The following RELL1 variants were observed in gnomAD, a reference collection of about 807,000 sequenced individuals.
RELL1 encodes the protein RELT-like protein 1.
In RELL1, 10 loss-of-function variants were observed where a neutral mutation model predicts 23.0. The observed-to-expected ratio is 0.43, with a 90% CI of 0.27 to 0.74. The LOEUF (loss-of-function observed/expected upper bound fraction) is 0.74, where lower values mean the gene tolerates loss of function less well. Ranked by LOEUF, RELL1 falls within the 30% of genes least tolerant of loss-of-function variation. The pLI, the probability that RELL1 is intolerant of heterozygous loss-of-function variation, is 0.19. For missense variants in RELL1, 315 were observed against 364.4 expected, an observed-to-expected ratio of 0.86 and a Z score of 1.10; for synonymous variants, 146 against 146.8, an observed-to-expected ratio of 0.99 and a Z score of 0.04.
chr4:37,590,440 A>G (rs1718542390), downstream of RELL1: 8 of 1,611,336 alleles, frequency 5.0e-6, no homozygotes, highest in Non-Finnish European at 6.8e-6. Context: ...TACTGCAAAT[A>G]CTGTTCCCCC....
intron 6 of RELL1, among the ~76,000 whole-genome samples, chr4:37,621,317 G>C (rs540127599): frequency 6.6e-6 from 1 of 152,032 alleles, no homozygotes; most frequent in East Asian, 1.9e-4. Flanking sequence ...TCAGCCAGGC[G>C]TGGTGGTGGG....
intron 1 of RELL1, among the ~76,000 whole-genome samples, chr4:37,650,974 G>A (rs531282251): frequency 2.0e-5 from 3 of 150,606 alleles, no homozygotes; most frequent in Non-Finnish European, 2.9e-5. Flanking sequence ...TGAGAGGATT[G>A]CTTGAGCCTG....
intron 6 of RELL1, among the ~76,000 whole-genome samples, chr4:37,600,813 T>A (rs1328657710): frequency 1.3e-4 from 11 of 86,516 alleles, no homozygotes; most frequent in African/African-American, 4.9e-4. Flanking sequence ...GTGTAGTTTT[T>A]GTTTGATTTG....
chr4:37,615,989 G>T (rs1015264962), intron 6 of RELL1, among the ~76,000 whole-genome samples: 1 of 151,622 alleles, frequency 6.6e-6, no homozygotes, highest in Non-Finnish European at 1.5e-5. Flanking sequence ...AAAAAAAAAA[G>T]AAATTGATCC....
intron 5 of RELL1, among the ~76,000 whole-genome samples, chr4:37,633,184 G>A (rs533268239): frequency 3.9e-5 from 6 of 152,148 alleles, no homozygotes; most frequent in South Asian, 2.1e-4. Flanking sequence ...CAAGACAGGT[G>A]GATCACTTGA....
At chr4:37,661,438 C>T in intron 1 of RELL1, among the ~76,000 whole-genome samples, 1 of 152,122 alleles carries the variant, frequency 6.6e-6, no homozygotes, top group Admixed American at 6.5e-5. Context: ...CGCTGCCACA[C>T]CTGGCTAATT....
At chr4:37,601,760 G>A (rs1349925145) in intron 6 of RELL1, among the ~76,000 whole-genome samples, 2 of 152,220 alleles carry the variant, frequency 1.3e-5, no homozygotes, top group Admixed American at 6.5e-5. Context: ...CTATAGCTAC[G>A]TTTCTGCAAA....
chr4:37,623,363 T>C, intron 6 of RELL1: 1 of 154,042 alleles, frequency 6.5e-6, no homozygotes, highest in Non-Finnish European at 1.4e-5. Context: ...CGGCGGTTGA[T>C]TTGCTTTCTT....
chr4:37,601,469 G>A (rs578130678), intron 6 of RELL1, among the ~76,000 whole-genome samples: 11 of 152,124 alleles, frequency 7.2e-5, no homozygotes, highest in South Asian at 2.1e-4. Context: ...GTTAGAAGAC[G>A]GGGTCCAAAG....
chr4:37,651,749 T>C (rs534759354), intron 1 of RELL1, among the ~76,000 whole-genome samples: 1 of 152,236 alleles, frequency 6.6e-6, no homozygotes, highest in African/African-American at 2.4e-5. Flanking sequence ...CCATTCTGAG[T>C]CCATAAAAGG....
downstream of RELL1, among the ~76,000 whole-genome samples, chr4:37,605,765 A>AAGAAAG (rs147338700): frequency 0.27 from 24,442 of 91,452 alleles, 3,714 homozygotes; most frequent in South Asian, 0.36. Context: ...AGAATAAAGA[A>AAGAAAG]AGAGAGAGAG....
At chr4:37,593,105 C>T (rs1718695349) in intron 6 of RELL1, among the ~76,000 whole-genome samples, 1 of 152,192 alleles carries the variant, frequency 6.6e-6, no homozygotes, top group Non-Finnish European at 1.5e-5. Context: ...AAAGTCTTGG[C>T]ATTGTTAATT....
chr4:37,625,186 A>G (rs1346844740), intron 6 of RELL1, among the ~76,000 whole-genome samples: 1 of 152,244 alleles, frequency 6.6e-6, no homozygotes, highest in Admixed American at 6.5e-5. Flanking sequence ...TAGTCTGAAT[A>G]AAACAAAAAT....
At chr4:37,602,672 T>C (rs779164627) in intron 6 of RELL1, among the ~76,000 whole-genome samples, 4 of 152,100 alleles carry the variant, frequency 2.6e-5, no homozygotes, top group Non-Finnish European at 5.9e-5. Context: ...ACAGAGGATT[T>C]GCAGGCATTT....
At chr4:37,622,663 G>A (rs989084179) in intron 6 of RELL1, among the ~76,000 whole-genome samples, 23 of 152,136 alleles carry the variant, frequency 1.5e-4, no homozygotes, top group Non-Finnish European at 2.9e-4. Flanking sequence ...GGACTGGGAG[G>A]TGCAGGGGAG....
chr4:37,654,499 A>G (rs1216116171), intron 1 of RELL1, among the ~76,000 whole-genome samples: 1 of 152,264 alleles, frequency 6.6e-6, no homozygotes, highest in South Asian at 2.1e-4. Context: ...CATAATGTCT[A>G]AAACATTTAT....
At chr4:37,682,343 C>T (rs1172185800) in intron 1 of RELL1, among the ~76,000 whole-genome samples, 1 of 152,144 alleles carries the variant, frequency 6.6e-6, no homozygotes, top group Non-Finnish European at 1.5e-5. Context: ...CTTAAGTGTC[C>T]GAAATTATTA....
At position 37,604,878 on chromosome 4, in the gene RELL1, CATACACACAGACACACACACAG is replaced by C. The variant is rs1560323909; in HGVS notation, c.*4-13683_*4-13662del. On this transcript the variant is annotated intron_variant, in intron 6 of 6. Transcript: ENST00000314117. ...ACACACACACACAGACACACACACA[CATACACACAGACACACACACAG>C]ACACACACACACACACACAGACACA... Among the ~76,000 whole-genome samples, 85 of 42,750 alleles carry C rather than the reference CATACACACAGACACACACACAG, an allele frequency of 2.0e-3. 1 individual carries two copies. Among genetic ancestry groups the C allele is most frequent in the Non-Finnish European group, 2.3e-3 (46 of 20,198 alleles). The allele number at this position is 42,750 out of a possible 152,430, so 28.0% of individuals were successfully genotyped here. A position where few individuals can be genotyped will look rare whatever the true frequency, so the allele number is the denominator to read the frequency against.
At chr4:37,593,316 T>C (rs1336217619) in intron 6 of RELL1, among the ~76,000 whole-genome samples, 1 of 152,172 alleles carries the variant, frequency 6.6e-6, no homozygotes, top group Non-Finnish European at 1.5e-5. Flanking sequence ...GTAGAGAATG[T>C]ATCACTGGCC....
Sources: gnomAD v4.1 joint callset for allele counts (sites outside exome capture counted in the v4.1 genomes callset) on GRCh38, gnomAD v4.1.1 for gene constraint, MANE v1.5 for transcripts, NCBI Gene and HGNC (gene_info 2026-07-23, HGNC 2026-07-21) for gene names.